ACAP2: variants seen among roughly 807,000 people sequenced by gnomAD.
ACAP2 encodes the protein arf-GAP with coiled-coil, ANK repeat and PH domain-containing protein 2.
Under a neutral mutation model 115.8 loss-of-function variants are expected in ACAP2, and 39 were observed. The observed-to-expected ratio is 0.34, with a 90% CI of 0.26 to 0.44. The LOEUF is 0.44. ACAP2 is among the 20% of genes least tolerant of loss of function. ACAP2 has a pLI of 1.00. For missense variants in ACAP2, 662 were observed against 927.6 expected, an observed-to-expected ratio of 0.71 and a Z score of 3.72; for synonymous variants, 289 against 315.8, an observed-to-expected ratio of 0.92 and a Z score of 0.90.
At chr3:195,332,745 T>C (rs973103586) in intron 8 of ACAP2, among the ~76,000 whole-genome samples, 1 of 152,168 alleles carries the variant, frequency 6.6e-6, no homozygotes, top group Non-Finnish European at 1.5e-5. Context: ...GTTTTATAAG[T>C]GTTTGGTAGT....
chr3:195,367,038 C>T (rs956906235), intron 4 of ACAP2, among the ~76,000 whole-genome samples: 3 of 147,404 alleles, frequency 2.0e-5, no homozygotes, highest in Non-Finnish European at 3.0e-5. Context: ...AACTTATATG[C>T]CCCCCAACCC....
intron 8 of ACAP2, among the ~76,000 whole-genome samples, chr3:195,330,112 A>G (rs1560250418): frequency 6.6e-6 from 1 of 151,852 alleles, no homozygotes; most frequent in South Asian, 2.1e-4. Flanking sequence ...CATTTAGTCT[A>G]TCTCCCTCTT....
intron 18 of ACAP2, 47 bp downstream of exon 18, chr3:195,294,672 T>C: frequency 9.5e-7 from 1 of 1,047,376 alleles, no homozygotes; most frequent in Non-Finnish European, 1.4e-6. Flanking sequence ...CCACATGCAC[T>C]TTCCAGCAAA....
chr3:195,377,589 T>C (rs1206449486), intron 4 of ACAP2, among the ~76,000 whole-genome samples: 1 of 152,156 alleles, frequency 6.6e-6, no homozygotes, highest in Non-Finnish European at 1.5e-5. Context: ...AGGGCTATGA[T>C]GAGGGAAGAA....
intron 2 of ACAP2, among the ~76,000 whole-genome samples, chr3:195,389,854 G>A (rs902437764): frequency 1.3e-5 from 2 of 152,272 alleles, no homozygotes; most frequent in East Asian, 1.9e-4. Context: ...CTCCCCCAAC[G>A]CGGATCCTGA....
At chr3:195,419,938 G>A (rs1714037925) in intron 1 of ACAP2, among the ~76,000 whole-genome samples, 1 of 152,064 alleles carries the variant, frequency 6.6e-6, no homozygotes, top group Admixed American at 6.6e-5. Flanking sequence ...AGTTTGATAT[G>A]GGACATTGTC....
At chr3:195,378,631 C>T (rs545050431) in intron 4 of ACAP2, among the ~76,000 whole-genome samples, 11 of 152,042 alleles carry the variant, frequency 7.2e-5, no homozygotes, top group Non-Finnish European at 1.5e-4. Flanking sequence ...AAGGCCAAGG[C>T]GGGTGGATCA....
intron 8 of ACAP2, among the ~76,000 whole-genome samples, chr3:195,327,996 G>T (rs540904342): frequency 5.9e-5 from 9 of 151,830 alleles, no homozygotes; most frequent in African/African-American, 2.2e-4. Context: ...GTTCCTTGGC[G>T]TTAGAAAGGA....
chr3:195,365,400 C>T (rs1732648198), intron 4 of ACAP2, among the ~76,000 whole-genome samples: 1 of 151,966 alleles, frequency 6.6e-6, no homozygotes, highest in Non-Finnish European at 1.5e-5. Context: ...CTACTATGCA[C>T]CCACAAAAAT....
intron 20 of ACAP2, among the ~76,000 whole-genome samples, chr3:195,290,743 G>T (rs1006527691): frequency 2.6e-5 from 4 of 151,968 alleles, no homozygotes; most frequent in African/African-American, 9.7e-5. Context: ...AACCCAGGAG[G>T]CGGAGGTTGC....
chr3:195,336,967 G>C lies in ACAP2; in HGVS notation c.538C>G (p.Leu180Val). ...ATTTCTGATCTCCTTTTTGATTGAA[G>C]AACATTAATCTGAGGGAAAACACAC... The part of the protein sequence containing the change: ...ALDYVLQINV[L>V]QSKRRSEILK... Residue 180 changes from leucine to valine, a missense_variant, in exon 7 of 23, where the codon CTT becomes GTT. Coordinates refer to ENST00000326793, the MANE Select transcript of ACAP2 (RefSeq NM_012287.6). The C allele has an allele frequency of 1.2e-6, 2 of 1,610,424 alleles. No individual in the cohort carries two copies. The highest frequency in any genetic ancestry group is 1.7e-6 in the Non-Finnish European group (2 of 1,178,082).
At chr3:195,378,664 C>T (rs187780288) in intron 4 of ACAP2, among the ~76,000 whole-genome samples, 1 of 152,114 alleles carries the variant, frequency 6.6e-6, no homozygotes, top group East Asian at 1.9e-4. Context: ...AGTTTGAGAC[C>T]AGCCTAGCCA....
intron 4 of ACAP2, among the ~76,000 whole-genome samples, chr3:195,356,841 A>G (rs1324996798): frequency 1.3e-5 from 2 of 151,726 alleles, no homozygotes; most frequent in Non-Finnish European, 2.9e-5. Flanking sequence ...AGTAACACAC[A>G]CTGTGGGCCT....
At chr3:195,328,028 T>C (rs1365683669) in intron 8 of ACAP2, among the ~76,000 whole-genome samples, 1 of 152,126 alleles carries the variant, frequency 6.6e-6, no homozygotes, top group Non-Finnish European at 1.5e-5. Context: ...AGGGAAGTAT[T>C]TGATTTCCAG....
chr3:195,438,238 G>A (rs1715717502), intron 1 of ACAP2, among the ~76,000 whole-genome samples: 1 of 151,656 alleles, frequency 6.6e-6, no homozygotes, highest in African/African-American at 2.4e-5. Flanking sequence ...ATGCTGGCCA[G>A]GCTGGTTTCG....
chr3:195,372,745 T>TA (rs777206333), intron 4 of ACAP2, among the ~76,000 whole-genome samples: 151 of 152,154 alleles, frequency 9.9e-4, no homozygotes, highest in Admixed American at 9.8e-4. Context: ...GCCCAGGAGA[T>TA]AGAGGCTGCA....
At chr3:195,401,197 T>C (rs1392174798) in intron 1 of ACAP2, among the ~76,000 whole-genome samples, 2 of 151,992 alleles carry the variant, frequency 1.3e-5, no homozygotes, top group Non-Finnish European at 2.9e-5. Flanking sequence ...CCTTGCAGGG[T>C]TCTCTCCACG....
chr3:195,306,734 A>T, intron 12 of ACAP2, 118 bp from the exon 13 acceptor site: 1 of 702,658 alleles, frequency 1.4e-6, no homozygotes, highest in South Asian at 2.0e-5. Flanking sequence ...AATATATATA[A>T]TTTGTTGAAA....
At chr3:195,286,469 C>T (rs1726851969) in intron 21 of ACAP2, among the ~76,000 whole-genome samples, 1 of 152,162 alleles carries the variant, frequency 6.6e-6, no homozygotes, top group Admixed American at 6.5e-5. Flanking sequence ...TTCCTTTAAG[C>T]AACATTTTAA....
Sources: gnomAD v4.1 joint callset for allele counts (sites outside exome capture counted in the v4.1 genomes callset) on GRCh38, gnomAD v4.1.1 for gene constraint, MANE v1.5 for transcripts, NCBI Gene and HGNC (gene_info 2026-07-23, HGNC 2026-07-21) for gene names.